Variants in EHMT1 observed in about 807,000 individuals in gnomAD.
EHMT1 encodes the protein histone-lysine N-methyltransferase EHMT1.
EHMT1 carries 15 observed loss-of-function variants against 147.2 expected under a neutral mutation model. The ratio of observed to expected loss-of-function variants is 0.10; its 90% CI spans 0.07 to 0.16. The LOEUF (loss-of-function observed/expected upper bound fraction) is 0.16, where lower values mean the gene tolerates loss of function less well. Among genes scored for constraint, EHMT1 ranks in the 10% least tolerant of loss-of-function variants. The pLI, the probability that EHMT1 is intolerant of heterozygous loss-of-function variation, is 1.00. For synonymous variants in EHMT1, 795 were observed against 709.6 expected (o/e 1.12, Z -1.91); for missense variants, 1,587 against 1,772.4 (o/e 0.90, Z 1.88).
intron 1 of EHMT1, among the ~76,000 whole-genome samples, chr9:137,678,041 C>T (rs1362092775): frequency 6.6e-6 from 1 of 152,036 alleles, no homozygotes; most frequent in Admixed American, 6.5e-5. Context: ...TGCACTCCAG[C>T]CTGGGCGACA....
chr9:137,826,824 C>G (rs1180717692), intron 25 of EHMT1, among the ~76,000 whole-genome samples: 1 of 152,232 alleles, frequency 6.6e-6, no homozygotes, highest in Non-Finnish European at 1.5e-5. Flanking sequence ...TAGGGCCGCA[C>G]CTCCCAAACT....
At chr9:137,688,567 T>C (rs1942660202) in intron 1 of EHMT1, among the ~76,000 whole-genome samples, 2 of 152,242 alleles carry the variant, frequency 1.3e-5, no homozygotes, top group Admixed American at 6.5e-5. Flanking sequence ...ATCTGCTTTA[T>C]TGTGAAGAGA....
chr9:137,680,345 C>T (rs912218815), intron 1 of EHMT1, among the ~76,000 whole-genome samples: 4 of 152,030 alleles, frequency 2.6e-5, no homozygotes, highest in Admixed American at 1.3e-4. Context: ...TGGTGGTGCA[C>T]GCTTGTGATC....
chr9:137,769,775 T>C (rs1950474271), intron 10 of EHMT1, among the ~76,000 whole-genome samples: 1 of 152,374 alleles, frequency 6.6e-6, no homozygotes, highest in African/African-American at 2.4e-5. Flanking sequence ...ATCTTTGACT[T>C]GATCTCTATT....
chr9:137,819,929 C>T (rs1955270789), intron 25 of EHMT1: 1 of 152,126 alleles, frequency 6.6e-6, no homozygotes, highest in South Asian at 2.1e-4. Flanking sequence ...TTTACTGTAG[C>T]CTCGTTCCCA....
At chr9:137,710,802 T>C (rs554561984) in intron 1 of EHMT1, among the ~76,000 whole-genome samples, 165 bp from the exon 2 acceptor site, 23 of 152,348 alleles carry the variant, frequency 1.5e-4, no homozygotes, top group Non-Finnish European at 2.5e-4. Context: ...ATGCCAGTTC[T>C]TCTGCTGGAG....
Position 137,834,531 on chromosome 9 carries a change from A to C in EHMT1, c.3716+7A>C. Reference sequence around the variant, plus strand: ...AGGCCGGCGAGCAGCTCGGGTACGCACCGCCCCGGCCCCTGGCCATCTCCG... The same window carrying C: ...AGGCCGGCGAGCAGCTCGGGTACGCCCCGCCCCGGCCCCTGGCCATCTCCG... On this transcript the variant is annotated splice_region_variant and intron_variant, in intron 26 of 26. Coordinates refer to ENST00000460843, the MANE Select transcript of EHMT1 (RefSeq NM_024757.5). 6.2e-7 allele frequency: 1 copy of C among 1,609,368 alleles called. No individual in the cohort carries two copies. The highest frequency in any genetic ancestry group is 8.5e-7 in the Non-Finnish European group (1 of 1,179,588).
intron 1 of EHMT1, among the ~76,000 whole-genome samples, chr9:137,668,476 C>T (rs762818754): frequency 7.2e-5 from 11 of 152,174 alleles, no homozygotes; most frequent in Non-Finnish European, 1.5e-4. Flanking sequence ...TATTCACCAA[C>T]CATCACATAT....
intron 4 of EHMT1, among the ~76,000 whole-genome samples, chr9:137,733,296 A>C (rs527921561): frequency 6.6e-6 from 1 of 152,340 alleles, no homozygotes; most frequent in East Asian, 1.9e-4. Flanking sequence ...CATCTTTGTT[A>C]GCAGCTTGTT....
intron 18 of EHMT1, among the ~76,000 whole-genome samples, chr9:137,804,995 C>A (rs1953811393): frequency 6.6e-6 from 1 of 151,798 alleles, no homozygotes; most frequent in South Asian, 2.1e-4. Context: ...TGTGTGTCCA[C>A]ATGTGTCAGT....
chr9:137,714,250 T>C (rs1389254975), intron 2 of EHMT1, among the ~76,000 whole-genome samples: 2 of 152,212 alleles, frequency 1.3e-5, no homozygotes, highest in Non-Finnish European at 2.9e-5. Context: ...GTTTCACCTT[T>C]AAGTGTGATG....
intron 3 of EHMT1, among the ~76,000 whole-genome samples, chr9:137,723,827 G>T (rs1036847848): frequency 6.6e-6 from 1 of 152,220 alleles, no homozygotes; most frequent in Non-Finnish European, 1.5e-5. Context: ...TAAACATGAA[G>T]GTGTTGTCAC....
intron 1 of EHMT1, among the ~76,000 whole-genome samples, chr9:137,619,614 G>A (rs758077357): frequency 3.3e-5 from 5 of 152,118 alleles, no homozygotes; most frequent in African/African-American, 7.2e-5. Context: ...TGCTGCTCCA[G>A]CCCTGCTGGC....
chr9:137,676,735 A>T (rs775257424), intron 1 of EHMT1, among the ~76,000 whole-genome samples: 33 of 152,152 alleles, frequency 2.2e-4, no homozygotes, highest in Non-Finnish European at 4.1e-4. Flanking sequence ...AGGGGACTGG[A>T]GCCCACATGC....
intron 1 of EHMT1, among the ~76,000 whole-genome samples, chr9:137,660,961 A>G (rs957357712): frequency 6.6e-5 from 10 of 152,222 alleles, no homozygotes; most frequent in African/African-American, 2.2e-4. Context: ...AGAACATATA[A>G]TAGCAGTTTT....
At chr9:137,791,166 T>A (rs1952494896) in intron 16 of EHMT1, among the ~76,000 whole-genome samples, 196 bp downstream of exon 16, 1 of 152,192 alleles carries the variant, frequency 6.6e-6, no homozygotes, top group East Asian at 1.9e-4. Context: ...GCTCACTCTC[T>A]ACAGAGCCTG....
At chr9:137,816,496 A>G (rs1264320163) in intron 23 of EHMT1, 3 of 302,284 alleles carry the variant, frequency 9.9e-6, no homozygotes, top group Non-Finnish European at 1.9e-5. Flanking sequence ...GGCTGCGTGG[A>G]CTCCTTGTTC....
chr9:137,718,656 C>T (rs537291101), intron 3 of EHMT1, among the ~76,000 whole-genome samples: 2 of 152,234 alleles, frequency 1.3e-5, no homozygotes, highest in East Asian at 1.9e-4. Flanking sequence ...CAGCCCTTCC[C>T]CTTCTTGCTG....
chr9:137,705,493 C>A (rs1944188535), intron 1 of EHMT1, among the ~76,000 whole-genome samples: 1 of 152,214 alleles, frequency 6.6e-6, no homozygotes, highest in African/African-American at 2.4e-5. Flanking sequence ...CGTGTTCATG[C>A]TTTGCACACA....
Sources: gnomAD v4.1 joint callset for allele counts (sites outside exome capture counted in the v4.1 genomes callset) on GRCh38, gnomAD v4.1.1 for gene constraint, MANE v1.5 for transcripts, NCBI Gene and HGNC (gene_info 2026-07-23, HGNC 2026-07-21) for gene names.